SRFBP1: variants seen among roughly 807,000 people sequenced by gnomAD.
The protein encoded by SRFBP1 is serum response factor binding protein 1.
SRFBP1 carries 47 observed loss-of-function variants against 45.5 expected under a neutral mutation model. The observed-to-expected ratio is 1.03, with a 90% CI of 0.82 to 1.32. The LOEUF is 1.32. SRFBP1 is among the 40% of genes most tolerant of loss of function. SRFBP1 has a pLI of 0.00. For missense variants in SRFBP1, 621 were observed against 484.6 expected (o/e 1.28, Z -2.64); for synonymous variants, 203 against 166.3 (o/e 1.22, Z -1.70).
At chr5:121,980,040 G>A (rs534522421) in intron 3 of SRFBP1, among the ~76,000 whole-genome samples, 2 of 152,178 alleles carry the variant, frequency 1.3e-5, no homozygotes, top group Admixed American at 6.5e-5. Flanking sequence ...ATGTTAACAC[G>A]AAGACTAAAC....
intron 6 of SRFBP1, 78 bp downstream of exon 6, chr5:122,020,880 A>G (rs1753302263): frequency 4.7e-6 from 6 of 1,278,986 alleles, no homozygotes; most frequent in Non-Finnish European, 6.3e-6. Context: ...TCCATACATG[A>G]AGAGACTATA....
chr5:121,975,402 G>T lies in SRFBP1; in HGVS notation c.198+15G>T. On this transcript the variant is annotated intron_variant, in intron 3 of 7. Transcript: ENST00000339397. ...ATGCCATGAAGGTAAGGACTTGTGT[G>T]GGTGTGTATGTGTGTATGTTTCTGA... 1 of 1,612,836 alleles carries T rather than the reference G, an allele frequency of 6.2e-7. No individual in the cohort carries two copies. Among genetic ancestry groups the T allele is most frequent in the South Asian group, 1.1e-5 (1 of 91,056 alleles).
intron 4 of SRFBP1, 78 bp downstream of exon 4, chr5:121,994,748 C>A: frequency 1.1e-6 from 1 of 950,214 alleles, no homozygotes; most frequent in Non-Finnish European, 1.6e-6. Flanking sequence ...GAAGAGAAAA[C>A]TTACCAAGAA....
intron 3 of SRFBP1, among the ~76,000 whole-genome samples, chr5:121,979,526 TA>T (rs1270239379): frequency 6.6e-6 from 1 of 152,218 alleles, no homozygotes; most frequent in Non-Finnish European, 1.5e-5. Context: ...GTAATTGTAT[TA>T]AAAGTATCGT....
intron 4 of SRFBP1, among the ~76,000 whole-genome samples, chr5:121,999,999 T>A (rs1752822945): frequency 1.3e-5 from 2 of 152,122 alleles, no homozygotes; most frequent in Admixed American, 1.3e-4. Context: ...ATTTGCTTCA[T>A]ATCTTTTTTG....
intron 2 of SRFBP1, among the ~76,000 whole-genome samples, chr5:122,048,435 G>C (rs552986623): frequency 1.3e-5 from 2 of 152,300 alleles, no homozygotes; most frequent in South Asian, 4.1e-4. Flanking sequence ...TGTGCTATTG[G>C]ATTCGGTTTG....
At chr5:121,997,798 T>C (rs1004949772) in intron 4 of SRFBP1, among the ~76,000 whole-genome samples, 6 of 151,710 alleles carry the variant, frequency 4.0e-5, no homozygotes, top group African/African-American at 9.7e-5. Context: ...GAATCTACAA[T>C]GAACTCAAAC....
chr5:122,020,142 C>A lies in SRFBP1; in HGVS notation c.407C>A (p.Ser136Ter). ...ARQNVAEVES[S>*]KNASEDNHSE... is the part of the protein sequence containing the mutation. ...CAAAATGTTGCTGAAGTTGAGTCAT[C>A]AAAGAATGCTTCAGAGGACAATCAT... is the stretch of plus-strand genomic sequence containing the variant. The change falls in exon 6 of 8, where the codon TCA becomes TAA. Residue 136 changes from serine to a stop codon, truncating the protein, a stop_gained. Transcript: ENST00000339397. LOFTEE classifies it high-confidence loss of function. The A allele has an allele frequency of 1.3e-6, 2 of 1,592,976 alleles. No homozygotes were observed. Among genetic ancestry groups the A allele is most frequent in the Admixed American group, 1.8e-5 (1 of 54,696 alleles).
chr5:122,001,377 CTTTTATTTTTATTTTTTATTTT>C (rs1445940588), intron 4 of SRFBP1, among the ~76,000 whole-genome samples: 30 of 148,924 alleles, frequency 2.0e-4, no homozygotes, highest in Admixed American at 6.0e-4. Context: ...AATCATGGCC[CTTTTATTTTTATTTTTTATTTT>C]TTTTATTTTT....
intron 7 of SRFBP1, among the ~76,000 whole-genome samples, chr5:122,024,819 G>A (rs1161965765): frequency 6.6e-6 from 1 of 152,042 alleles, no homozygotes; most frequent in Non-Finnish European, 1.5e-5. Flanking sequence ...TGCTTAGCTT[G>A]TATGCTTAAA....
intron 7 of SRFBP1, among the ~76,000 whole-genome samples, 168 bp downstream of exon 7, chr5:122,022,575 TC>T (rs1237565267): frequency 6.6e-6 from 1 of 152,218 alleles, no homozygotes; most frequent in Non-Finnish European, 1.5e-5. Flanking sequence ...TTGTTGGTTT[TC>T]TTTTCTTCTG....
At chr5:122,076,745 G>C (rs531763555), downstream of SRFBP1, 1 of 634,262 alleles carries the variant, frequency 1.6e-6, no homozygotes, top group African/African-American at 1.8e-5. Context: ...GTCCAGGTCA[G>C]CATGCCCAGG....
intron 2 of SRFBP1, among the ~76,000 whole-genome samples, chr5:122,048,711 C>T (rs1420332601): frequency 1.3e-5 from 2 of 152,140 alleles, no homozygotes; most frequent in East Asian, 3.9e-4. Context: ...TAATTATTGC[C>T]TCAATTTCAG....
chr5:121,996,878 C>T, intron 4 of SRFBP1, among the ~76,000 whole-genome samples: 1 of 147,636 alleles, frequency 6.8e-6, no homozygotes, highest in African/African-American at 2.6e-5. Context: ...CAACAGACAA[C>T]CAGAGAGCCA....
At chr5:122,047,838 G>A (rs1036908128) in intron 2 of SRFBP1, among the ~76,000 whole-genome samples, 3 of 151,532 alleles carry the variant, frequency 2.0e-5, no homozygotes, top group African/African-American at 4.8e-5. Flanking sequence ...TCATGATTTG[G>A]CTCTGTTTGT....
At chr5:121,977,682 C>T (rs533208703) in intron 3 of SRFBP1, among the ~76,000 whole-genome samples, 77 of 152,110 alleles carry the variant, frequency 5.1e-4, no homozygotes, top group Non-Finnish European at 7.6e-4. Flanking sequence ...GGCTCAGACA[C>T]TGCTTCATTT....
At chr5:121,994,577 A>G (rs1384736907) in intron 3 of SRFBP1, 22 bp from the exon 4 acceptor site, 1 of 1,532,126 alleles carries the variant, frequency 6.5e-7, no homozygotes, top group East Asian at 2.3e-5. Flanking sequence ...AACTAAAATT[A>G]ATTTGTTTTA....
At chr5:121,986,363 C>G (rs1752517977) in intron 3 of SRFBP1, among the ~76,000 whole-genome samples, 1 of 151,842 alleles carries the variant, frequency 6.6e-6, no homozygotes, top group African/African-American at 2.4e-5. Flanking sequence ...GGGACAAAAG[C>G]CAATGAAGTG....
chr5:121,991,529 C>CT (rs1390183306), intron 3 of SRFBP1, among the ~76,000 whole-genome samples: 1 of 152,034 alleles, frequency 6.6e-6, no homozygotes, highest in African/African-American at 2.4e-5. Context: ...AATAGGAACA[C>CT]TAATATTTAA....
Sources: allele counts gnomAD v4.1 joint callset (sites outside exome capture counted in the v4.1 genomes callset), GRCh38; gene constraint gnomAD v4.1.1; transcripts MANE v1.5; gene names NCBI Gene and HGNC (gene_info 2026-07-23, HGNC 2026-07-21).